ANKRD24: variants seen among roughly 807,000 people sequenced by gnomAD.
The protein encoded by ANKRD24 is ankyrin repeat domain-containing protein 24.
In ANKRD24, 109 loss-of-function variants were observed where a neutral mutation model predicts 127.8. The ratio of observed to expected loss-of-function variants is 0.85; its 90% confidence interval spans 0.73 to 1.00. The LOEUF (loss-of-function observed/expected upper bound fraction) is 1.00, where lower values mean the gene tolerates loss of function less well. Ranked by LOEUF, ANKRD24 falls within the 50% of genes least tolerant of loss-of-function variation. ANKRD24 has a pLI of 0.00. For missense variants in ANKRD24, 1,648 were observed against 1,570.2 expected (o/e 1.05, Z -0.84); for synonymous variants, 743 against 671.1 (o/e 1.11, Z -1.66).
At chr19:4,208,631 A>C (rs1466779563) in intron 10 of ANKRD24, 133 bp from the exon 11 acceptor site, 1 of 795,444 alleles carries the variant, frequency 1.3e-6, no homozygotes, top group African/African-American at 1.8e-5. Context: ...CACTCTACCC[A>C]AGCGCCAGAT....
intron 1 of ANKRD24, among the ~76,000 whole-genome samples, chr19:4,184,513 G>T (rs1006012944): frequency 6.6e-6 from 1 of 152,194 alleles, no homozygotes; most frequent in African/African-American, 2.4e-5. Context: ...TTCCTCCAAG[G>T]CAGGTGCTCA....
Position 4,200,067 on chromosome 19 carries a change from TGTCTCTCACCTCCAG to T in ANKRD24, c.255-13_256del, listed in dbSNP as rs1427187639. On this transcript the variant is annotated splice_acceptor_variant and splice_polypyrimidine_tract_variant and intron_variant, in intron 4 of 21. Transcript: ENST00000318934. LOFTEE classifies it high-confidence loss of function. ...GGTGGCAACCTTGCGGCTGAACCCTTGTCTCTCACCTCCAGGTTCCACCTGGCGGCCATGCGGGGT... is the reference window on the plus strand; with the variant it reads ...GGTGGCAACCTTGCGGCTGAACCCTTGTTCCACCTGGCGGCCATGCGGGGT... The T allele has an allele frequency of 6.3e-7, 1 of 1,575,780 alleles. No homozygotes were observed. Among genetic ancestry groups the T allele is most frequent in the Admixed American group, 1.8e-5 (1 of 54,680 alleles).
chr19:4,207,912 A>G lies in ANKRD24; in HGVS notation c.776A>G (p.Asp259Gly), dbSNP rs1969488204. The G allele has an allele frequency of 1.9e-6, 3 of 1,555,078 alleles. No homozygotes were observed. The highest frequency in any genetic ancestry group is 2.1e-5 in the Admixed American group (1 of 48,330). ...GCTCACTATGGCGCCCTGGCGGGGG[A>G]CAAACTCATCCTGCACCTTCTGCAA... ...DAAHYGALAG[D>G]KLILHLLQEA... Residue 259 changes from aspartate to glycine, a missense_variant, in exon 10 of 22, where the codon GAC becomes GGC. Physicochemically the swap from Asp to Gly is moderately conservative, Grantham distance 94. Transcript: ENST00000318934.
chr19:4,215,998 C>T lies in ANKRD24; in HGVS notation c.1218C>T (p.Ser406=). 6.3e-7 allele frequency: 1 copy of T among 1,599,268 alleles called. No individual in the cohort carries two copies. Among genetic ancestry groups the T allele is most frequent in the Non-Finnish European group, 8.5e-7 (1 of 1,173,694 alleles). Reference sequence around the variant, plus strand: ...CCCAGAACGAGCGGGAGAATACTAGCTATGACGTAACCACCCTGCAGGATG... The same window carrying T: ...CCCAGAACGAGCGGGAGAATACTAGTTATGACGTAACCACCCTGCAGGATG... ...SLLENERENT[S]YDVTTLQDEE... Residue 406 remains serine (S), a synonymous_variant, in exon 16 of 22, where the codon AGC becomes AGT. Transcript: ENST00000318934.
At chr19:4,203,188 G>C (rs192186913) in intron 7 of ANKRD24, among the ~76,000 whole-genome samples, 13 of 150,650 alleles carry the variant, frequency 8.6e-5, no homozygotes, top group Admixed American at 8.6e-4. Flanking sequence ...GCTGGGACTA[G>C]AGGCACCTGC....
chr19:4,218,029 G>C lies in ANKRD24; in HGVS notation c.2869G>C (p.Glu957Gln). The C allele has an allele frequency of 6.4e-7, 1 of 1,558,524 alleles. No homozygotes were observed. Among genetic ancestry groups the C allele is most frequent in the African/African-American group, 1.4e-5 (1 of 72,164 alleles). Residue 957 changes from glutamate (E) to glutamine (Q), a missense_variant, in exon 18 of 22, where the codon GAG (glutamate) becomes CAG (glutamine). Transcript: ENST00000318934. Reference sequence around the variant, plus strand: ...CCGGCTGCGCGCGGAGCTGGAGCGGGAGCGTGTGTGCAGCGTGGCGCTCTC... The same window carrying C: ...CCGGCTGCGCGCGGAGCTGGAGCGGCAGCGTGTGTGCAGCGTGGCGCTCTC... Reference protein sequence around the residue: ...AARLRAELERERVCSVALSEH... With the variant: ...AARLRAELERQRVCSVALSEH...
Position 4,207,484 on chromosome 19 carries a change from C to T in ANKRD24, c.538-17C>T. ...GTCAGTTTCTCATGCCATCGCATCC[C>T]TCCTCCTCCCTACCAGTCAGGCGCA... On this transcript the variant is annotated splice_polypyrimidine_tract_variant and intron_variant, in intron 8 of 21. Coordinates refer to ENST00000318934, the MANE Select transcript of ANKRD24 (RefSeq NM_001393985.1). 6.8e-6 allele frequency: 11 copies of T among 1,611,160 alleles called. No individual in the cohort carries two copies. Among genetic ancestry groups the T allele is most frequent in the Non-Finnish European group, 7.6e-6 (9 of 1,177,366 alleles).
chr19:4,219,781 T>A lies in ANKRD24; in HGVS notation c.3171+23T>A, dbSNP rs765841045. The A allele has an allele frequency of 2.5e-6, 4 of 1,581,034 alleles. No individual in the cohort carries two copies. The African/African-American group carries it at 5.4e-5, about 21-fold the overall frequency. Reference sequence around the variant, plus strand: ...AAGGTGGGTGCCCCCTCTCCCACACTCAGTCAGGGAGGCATCCACTCAGCA... The same window carrying A: ...AAGGTGGGTGCCCCCTCTCCCACACACAGTCAGGGAGGCATCCACTCAGCA... On this transcript the variant is annotated intron_variant, in intron 19 of 21. Coordinates refer to ENST00000318934, the MANE Select transcript of ANKRD24 (RefSeq NM_001393985.1).
At position 4,218,030 on chromosome 19, in the gene ANKRD24, A is replaced by C; in HGVS notation, c.2870A>C (p.Glu957Ala). ...CGGCTGCGCGCGGAGCTGGAGCGGG[A>C]GCGTGTGTGCAGCGTGGCGCTCTCG... ...AARLRAELER[E>A]RVCSVALSEH... Residue 957 changes from glutamate to alanine, a missense_variant, in exon 18 of 22, where the codon GAG (glutamate) becomes GCG (alanine). By Grantham distance (107) the Glu-to-Ala change is moderately radical. Coordinates refer to ENST00000318934, the MANE Select transcript of ANKRD24 (RefSeq NM_001393985.1). The C allele has an allele frequency of 6.4e-7, 1 of 1,558,574 alleles. No homozygotes were observed. Among genetic ancestry groups the C allele is most frequent in the Non-Finnish European group, 8.6e-7 (1 of 1,157,918 alleles).
chr19:4,213,126 G>A (rs1211153533), intron 15 of ANKRD24, among the ~76,000 whole-genome samples: 1 of 152,028 alleles, frequency 6.6e-6, no homozygotes, highest in East Asian at 1.9e-4. Flanking sequence ...GCGAGACTCA[G>A]TCTCAAACAA....
In ANKRD24 at chr19:4,199,708, G is replaced by A; in HGVS notation, c.62G>A (p.Gly21Asp). Residue 21 changes from glycine to aspartate, a missense_variant, in exon 3 of 22, where the codon GGC (glycine) becomes GAC (aspartate). Transcript: ENST00000318934. This position sits in a 1 kb window ranked among gnomAD's most constrained non-coding sequence, Gnocchi z 5.2. ...CTGCGGCTCAGCCCCACTGACCTTG[G>A]CTCCTGCCCGCCCTGCGGCCCCTGC... ...TELRLSPTDL[G>D]SCPPCGPCPI... The A allele has an allele frequency of 6.5e-7, 1 of 1,538,052 alleles. No individual in the cohort carries two copies. The highest frequency in any genetic ancestry group is 8.7e-7 in the Non-Finnish European group (1 of 1,144,884).
intron 15 of ANKRD24, 55 bp from the exon 16 acceptor site, chr19:4,215,923 G>C: frequency 7.0e-7 from 1 of 1,433,046 alleles, no homozygotes; most frequent in Non-Finnish European, 9.6e-7. Context: ...TCTTGGTGGG[G>C]ACACACGGGG....
In ANKRD24 at chr19:4,207,838, G is replaced by T. The variant is rs373534420; in HGVS notation, c.702G>T (p.Leu234=). 2 of 1,569,882 alleles carry T rather than the reference G, an allele frequency of 1.3e-6. No individual in the cohort carries two copies. The highest frequency in any genetic ancestry group is 1.7e-6 in the Non-Finnish European group (2 of 1,159,806). Residue 234 remains leucine (L), a synonymous_variant, in exon 10 of 22, where the codon CTG becomes CTT. Transcript: ENST00000318934. Reference sequence around the variant, plus strand: ...GCCCCGAAACAGTGGAGGTCCTGCTGCAGGGCGGAGCCCAGCCGGGCATCA... The same window carrying T: ...GCCCCGAAACAGTGGAGGTCCTGCTTCAGGGCGGAGCCCAGCCGGGCATCA... The part of the protein sequence containing the change: ...GASPETVEVL[L]QGGAQPGITD...
chr19:4,196,604 A>T (rs1444297215), intron 2 of ANKRD24, among the ~76,000 whole-genome samples: 1 of 152,086 alleles, frequency 6.6e-6, no homozygotes, highest in African/African-American at 2.4e-5. Flanking sequence ...CGAACTCCTG[A>T]CCTCAGGTGA....
Position 4,219,763 on chromosome 19 carries a change from G to C in ANKRD24, c.3171+5G>C, listed in dbSNP as rs538280632. 1 of 1,596,008 alleles carries C rather than the reference G, an allele frequency of 6.3e-7. No homozygotes were observed. The highest frequency in any genetic ancestry group is 1.3e-5 in the African/African-American group (1 of 74,608). On this transcript the variant is annotated splice_donor_5th_base_variant and intron_variant, in intron 19 of 21. Transcript: ENST00000318934. ...GCCAAGGAGAAGGACAAGAAGGTGG[G>C]TGCCCCCTCTCCCACACTCAGTCAG...
intron 7 of ANKRD24, 135 bp from the exon 8 acceptor site, chr19:4,207,105 TAG>T: frequency 3.5e-5 from 16 of 457,534 alleles, no homozygotes; most frequent in Admixed American, 1.4e-4. Flanking sequence ...TTTTTTTTTG[TAG>T]AGACAGGGTC....
chr19:4,193,214 A>G (rs1599400483), intron 2 of ANKRD24, among the ~76,000 whole-genome samples: 1 of 143,044 alleles, frequency 7.0e-6, no homozygotes, highest in African/African-American at 2.6e-5. Flanking sequence ...AGGCAGGAGA[A>G]TCGCTTGAAT....
At chr19:4,223,242 CT>C (rs905529026) in intron 20 of ANKRD24, among the ~76,000 whole-genome samples, 7 of 150,142 alleles carry the variant, frequency 4.7e-5, no homozygotes, top group South Asian at 2.1e-4. Flanking sequence ...CGCCCTCTGC[CT>C]TTTTTTTGGA....
At chr19:4,197,492 G>A (rs1394530807) in intron 2 of ANKRD24, among the ~76,000 whole-genome samples, 1 of 152,108 alleles carries the variant, frequency 6.6e-6, no homozygotes. Flanking sequence ...ACAAATGAGT[G>A]AGTTAATGAA....
Sources: gnomAD v4.1 joint callset for allele counts (sites outside exome capture counted in the v4.1 genomes callset) on GRCh38, gnomAD v4.1.1 for gene constraint, Gnocchi (gnomAD v3.1) non-coding constraint, MANE v1.5 for transcripts, NCBI Gene and HGNC (gene_info 2026-07-23, HGNC 2026-07-21) for gene names.